DPH6: variants seen among roughly 807,000 people sequenced by gnomAD.
The protein encoded by DPH6 is diphthine--ammonia ligase.
Under a neutral mutation model 38.2 loss-of-function variants are expected in DPH6, and 33 were observed. The ratio of observed to expected loss-of-function variants is 0.86; its 90% CI spans 0.65 to 1.15. The LOEUF is 1.15. Among genes scored for constraint, DPH6 ranks in the 50% most tolerant of loss-of-function variants. The pLI is 0.00. For synonymous variants in DPH6, 108 were observed against 103.0 expected (o/e 1.05, Z -0.30); for missense variants, 325 against 320.0 (o/e 1.02, Z -0.12).
intron 6 of DPH6, among the ~76,000 whole-genome samples, chr15:35,383,619 T>G (rs1057451290): frequency 2.8e-4 from 42 of 152,216 alleles, no homozygotes; most frequent in Non-Finnish European, 2.2e-4. Flanking sequence ...TATTACTGAT[T>G]CACCAGTATT....
the DPH6 span, among the ~76,000 whole-genome samples, chr15:35,152,424 T>C: frequency 6.6e-6 from 1 of 152,142 alleles, no homozygotes; most frequent in East Asian, 1.9e-4. Context: ...CAAAGAAGAG[T>C]ACATCCTAAT....
chr15:35,200,733 AAAAG>A, the DPH6 span, among the ~76,000 whole-genome samples: 1 of 151,920 alleles, frequency 6.6e-6, no homozygotes, highest in African/African-American at 2.4e-5. Flanking sequence ...ATGGATTAAA[AAAAG>A]AAAAAAATAA....
At chr15:35,326,057 G>A (rs909074372), downstream of DPH6, among the ~76,000 whole-genome samples, 1 of 152,084 alleles carries the variant, frequency 6.6e-6, no homozygotes, top group Non-Finnish European at 1.5e-5. Context: ...ACCAACTGTT[G>A]ACAAAGATAT....
Position 35,461,906 on chromosome 15 carries a change from A to G in DPH6, c.313-7086T>C, listed in dbSNP as rs185030234. Reference sequence around the variant, plus strand: ...TTCCAGCATTTGGATATCCTAGGTAAAACACTTTTGAATTCTGAGTTAGGC... The same window carrying G: ...TTCCAGCATTTGGATATCCTAGGTAGAACACTTTTGAATTCTGAGTTAGGC... On this transcript the variant is annotated intron_variant, in intron 3 of 8. Coordinates refer to ENST00000256538, the MANE Select transcript of DPH6 (RefSeq NM_080650.4). 5.0e-3 allele frequency among the ~76,000 whole-genome samples: 767 copies of G among 152,278 alleles called. 5 individuals are homozygous for G. Among genetic ancestry groups the G allele is most frequent in the African/African-American group, 0.018 (743 of 41,548 alleles).
At chr15:35,384,528 T>C (rs546911995) in intron 6 of DPH6, among the ~76,000 whole-genome samples, 2 of 152,074 alleles carry the variant, frequency 1.3e-5, no homozygotes, top group South Asian at 2.1e-4. Flanking sequence ...CCAGGTGTCA[T>C]TTGTGGAAAA....
chr15:35,234,321 G>A (rs1165762453), intron 3 of DPH6, among the ~76,000 whole-genome samples: 2 of 152,182 alleles, frequency 1.3e-5, no homozygotes, highest in Non-Finnish European at 2.9e-5. Flanking sequence ...GGTGTGGGGT[G>A]ATAAGGTGGT....
intron 3 of DPH6, among the ~76,000 whole-genome samples, chr15:35,246,620 G>A (rs763318733): frequency 1.1e-4 from 17 of 152,126 alleles, no homozygotes; most frequent in African/African-American, 3.9e-4. Context: ...GATTTTATTC[G>A]TTCACCTGTG....
downstream of DPH6, among the ~76,000 whole-genome samples, chr15:35,213,552 G>C (rs1555387188): frequency 6.6e-6 from 1 of 151,778 alleles, no homozygotes. Flanking sequence ...TAAATATTTA[G>C]AAAAAAAGGT....
intron 5 of DPH6, among the ~76,000 whole-genome samples, chr15:35,417,180 G>A (rs1341240679): frequency 1.3e-5 from 2 of 151,930 alleles, no homozygotes; most frequent in African/African-American, 2.4e-5. Flanking sequence ...TAACATCTAA[G>A]CATTGTATGT....
At chr15:35,374,467 C>T (rs2052754339) in intron 7 of DPH6, among the ~76,000 whole-genome samples, 1 of 151,962 alleles carries the variant, frequency 6.6e-6, no homozygotes, top group African/African-American at 2.4e-5. Context: ...TTTGAATCGA[C>T]TTGTATCATG....
intron 5 of DPH6, among the ~76,000 whole-genome samples, chr15:35,440,502 T>TA (rs1308342454): frequency 1.3e-5 from 2 of 152,208 alleles, no homozygotes; most frequent in African/African-American, 4.8e-5. Context: ...GAACCTTAAA[T>TA]AGGCCTCTGA....
chr15:35,438,247 C>T (rs1306908013), intron 5 of DPH6, among the ~76,000 whole-genome samples: 1 of 149,576 alleles, frequency 6.7e-6, no homozygotes, highest in Non-Finnish European at 1.5e-5. Flanking sequence ...ATGAGAGGCC[C>T]TAAGATCATT....
At chr15:35,534,471 G>A (rs1279941261) in intron 3 of DPH6, among the ~76,000 whole-genome samples, 1 of 151,580 alleles carries the variant, frequency 6.6e-6, no homozygotes, top group Non-Finnish European at 1.5e-5. Flanking sequence ...ATATAGGGAT[G>A]TTACATCTAT....
At chr15:35,148,521 T>A in the DPH6 span, among the ~76,000 whole-genome samples, 1 of 152,194 alleles carries the variant, frequency 6.6e-6, no homozygotes, top group Admixed American at 6.5e-5. Flanking sequence ...ACTCAGTTAT[T>A]CACAATTAGA....
At chr15:35,162,542 C>T in the DPH6 span, among the ~76,000 whole-genome samples, 1 of 151,902 alleles carries the variant, frequency 6.6e-6, no homozygotes, top group African/African-American at 2.4e-5. Context: ...CTCACTTCAT[C>T]TAGGTCTGTA....
chr15:35,388,767 T>A (rs991250860), intron 6 of DPH6, among the ~76,000 whole-genome samples: 3 of 152,216 alleles, frequency 2.0e-5, no homozygotes, highest in Admixed American at 2.0e-4. Context: ...AGTCTATCAA[T>A]TTTGTTGATC....
chr15:35,336,558 T>C (rs1396154642), intron 3 of DPH6, among the ~76,000 whole-genome samples: 1 of 152,178 alleles, frequency 6.6e-6, no homozygotes, highest in Non-Finnish European at 1.5e-5. Context: ...TTTTTGCCCA[T>C]TCAGTATGAT....
chr15:35,341,921 T>C (rs2052424869), intron 3 of DPH6, among the ~76,000 whole-genome samples: 1 of 152,200 alleles, frequency 6.6e-6, no homozygotes, highest in African/African-American at 2.4e-5. Flanking sequence ...GGGGCACCCT[T>C]CCTCATCTGG....
At chr15:35,216,425 CTTTAT>C (rs2051411251), downstream of DPH6, among the ~76,000 whole-genome samples, 1 of 152,162 alleles carries the variant, frequency 6.6e-6, no homozygotes, top group African/African-American at 2.4e-5. Context: ...CTGACTCTCA[CTTTAT>C]TTTCATATTC....
Sources: allele counts gnomAD v4.1 joint callset (sites outside exome capture counted in the v4.1 genomes callset), GRCh38; gene constraint gnomAD v4.1.1; transcripts MANE v1.5; gene names NCBI Gene and HGNC (gene_info 2026-07-23, HGNC 2026-07-21).